The following TSPAN9 variants were observed in gnomAD, a reference collection of about 807,000 sequenced individuals.
The protein encoded by TSPAN9 is tetraspanin-9.
Under a neutral mutation model 31.0 loss-of-function variants are expected in TSPAN9, and 16 were observed. The ratio of observed to expected loss-of-function variants is 0.52; its 90% CI spans 0.35 to 0.78. The LOEUF (loss-of-function observed/expected upper bound fraction) is 0.78, where lower values mean the gene tolerates loss of function less well. Among genes scored for constraint, TSPAN9 ranks in the 30% least tolerant of loss-of-function variants. TSPAN9 has a pLI of 0.01. For missense variants in TSPAN9, 272 were observed against 312.5 expected (o/e 0.87, Z 0.98); for synonymous variants, 145 against 121.6 (o/e 1.19, Z -1.27).
intron 3 of TSPAN9, among the ~76,000 whole-genome samples, chr12:3,266,053 ACAC>A (rs1286453791): frequency 6.6e-6 from 1 of 151,782 alleles, no homozygotes; most frequent in Admixed American, 6.6e-5. Flanking sequence ...GTCTTCACCA[ACAC>A]TACTTCTTCA....
intron 2 of TSPAN9, among the ~76,000 whole-genome samples, chr12:3,090,587 T>C (rs1250323318): frequency 6.6e-6 from 1 of 152,236 alleles, no homozygotes; most frequent in East Asian, 1.9e-4. Flanking sequence ...ACACACGCAT[T>C]GTCTGTTGAT....
chr12:3,118,423 G>A lies in TSPAN9; in HGVS notation c.-18+34704G>A, dbSNP rs181362840. ...ATGACAGGCACCCACCATCATGCCC[G>A]GCTAATTTTTGTATTTTTGTAGAGA... On this transcript the variant is annotated intron_variant, in intron 2 of 8. Coordinates refer to ENST00000011898, the MANE Select transcript of TSPAN9 (RefSeq NM_006675.5). Among the ~76,000 whole-genome samples, 608 of 151,464 alleles carry A rather than the reference G, an allele frequency of 4.0e-3. 17 individuals carry two copies. The highest frequency in any genetic ancestry group is 0.035 in the Admixed American group (537 of 15,198).
intron 2 of TSPAN9, among the ~76,000 whole-genome samples, chr12:3,089,502 G>T (rs183402757): frequency 4.0e-5 from 6 of 151,594 alleles, no homozygotes; most frequent in Admixed American, 3.3e-4. Context: ...TTACCGTGTT[G>T]GCCAGGGTGG....
chr12:3,196,141 G>A (rs997075404), intron 2 of TSPAN9, among the ~76,000 whole-genome samples: 4 of 152,196 alleles, frequency 2.6e-5, no homozygotes, highest in African/African-American at 9.7e-5. Context: ...TGTGCTCATG[G>A]TGAGAGAGGG....
At chr12:3,226,432 G>C in intron 3 of TSPAN9, among the ~76,000 whole-genome samples, 1 of 151,918 alleles carries the variant, frequency 6.6e-6, no homozygotes, top group Non-Finnish European at 1.5e-5. Flanking sequence ...TCCTCTGGCC[G>C]TGAGCATTCT....
intron 2 of TSPAN9, among the ~76,000 whole-genome samples, chr12:3,186,759 C>T (rs1432232079): frequency 6.6e-6 from 1 of 152,114 alleles, no homozygotes; most frequent in Non-Finnish European, 1.5e-5. Flanking sequence ...GGGGGCTGCC[C>T]CATCCTTTCC....
At chr12:3,186,397 A>C (rs905831018) in intron 2 of TSPAN9, among the ~76,000 whole-genome samples, 1 of 152,062 alleles carries the variant, frequency 6.6e-6, no homozygotes, top group Non-Finnish European at 1.5e-5. Flanking sequence ...ATTTGAGTGG[A>C]GGTTTACAGG....
At chr12:3,153,313 T>C (rs962239597) in intron 2 of TSPAN9, among the ~76,000 whole-genome samples, 1 of 152,158 alleles carries the variant, frequency 6.6e-6, no homozygotes, top group Non-Finnish European at 1.5e-5. Context: ...ATCAAAGAAA[T>C]AGGGGTATAA....
intron 3 of TSPAN9, among the ~76,000 whole-genome samples, chr12:3,201,955 C>T (rs1218991666): frequency 6.6e-6 from 1 of 152,122 alleles, no homozygotes; most frequent in Non-Finnish European, 1.5e-5. Flanking sequence ...TGGCTGGCCA[C>T]GTGCTTCCAG....
At chr12:3,175,512 T>A (rs1225992288) in intron 2 of TSPAN9, among the ~76,000 whole-genome samples, 3 of 152,184 alleles carry the variant, frequency 2.0e-5, no homozygotes, top group Non-Finnish European at 4.4e-5. Context: ...TCTCTCTGGG[T>A]TCATTTCCTT....
intron 2 of TSPAN9, among the ~76,000 whole-genome samples, chr12:3,152,340 G>C (rs2153968699): frequency 6.6e-6 from 1 of 152,368 alleles, no homozygotes; most frequent in East Asian, 1.9e-4. Flanking sequence ...CCTGATGCCA[G>C]GGTGGGCTGG....
intron 7 of TSPAN9, 53 bp downstream of exon 7, chr12:3,281,382 G>A (rs546766025): frequency 1.2e-5 from 18 of 1,515,194 alleles, no homozygotes; most frequent in Admixed American, 6.5e-5. Context: ...TGGATGCCCC[G>A]GCACGGGGAG....
intron 3 of TSPAN9, chr12:3,211,974 C>G: frequency 1.0e-6 from 1 of 969,034 alleles, no homozygotes; most frequent in Non-Finnish European, 1.6e-6. Flanking sequence ...CTTTGTATTT[C>G]TTTCTTTTAT....
chr12:3,266,058 ACTT>A (rs142364230), intron 3 of TSPAN9, among the ~76,000 whole-genome samples: 4,617 of 152,132 alleles, frequency 0.03, 84 homozygotes, highest in Middle Eastern at 0.045. Context: ...CACCAACACT[ACTT>A]CTTCATCCCG....
chr12:3,269,775 G>T (rs1294355176), intron 3 of TSPAN9, among the ~76,000 whole-genome samples: 1 of 152,240 alleles, frequency 6.6e-6, no homozygotes, highest in Non-Finnish European at 1.5e-5. Context: ...CTCCCTGTGT[G>T]GCCCTTTTTC....
intron 2 of TSPAN9, among the ~76,000 whole-genome samples, chr12:3,103,870 C>T (rs1231275066): frequency 1.3e-5 from 2 of 152,174 alleles, no homozygotes; most frequent in Non-Finnish European, 2.9e-5. Context: ...AATCCCTGCC[C>T]TCAAGAGCTC....
At chr12:3,243,437 C>T (rs910337675) in intron 3 of TSPAN9, among the ~76,000 whole-genome samples, 12 of 152,188 alleles carry the variant, frequency 7.9e-5, no homozygotes, top group East Asian at 3.9e-4. Context: ...TCTGGTTTCA[C>T]GGCAGTTTGT....
At chr12:3,260,442 G>A (rs1862427584) in intron 3 of TSPAN9, among the ~76,000 whole-genome samples, 1 of 152,226 alleles carries the variant, frequency 6.6e-6, no homozygotes, top group Admixed American at 6.5e-5. Flanking sequence ...CTTGACAGCA[G>A]AAGTGGAAAC....
At chr12:3,137,094 T>C (rs953427259) in intron 2 of TSPAN9, among the ~76,000 whole-genome samples, 2 of 152,220 alleles carry the variant, frequency 1.3e-5, no homozygotes, top group African/African-American at 4.8e-5. Flanking sequence ...CTCTTTCCAA[T>C]TGGACCTTCT....
Sources: allele counts gnomAD v4.1 joint callset (sites outside exome capture counted in the v4.1 genomes callset), GRCh38; gene constraint gnomAD v4.1.1; transcripts MANE v1.5; gene names NCBI Gene and HGNC (gene_info 2026-07-23, HGNC 2026-07-21).